The following TLN2 variants were observed in gnomAD, a reference collection of about 807,000 sequenced individuals.
The protein encoded by TLN2 is talin 2.
Under a neutral mutation model 294.7 loss-of-function variants are expected in TLN2, and 118 were observed. The ratio of observed to expected loss-of-function variants is 0.40; its 90% confidence interval spans 0.34 to 0.47. TLN2 has a LOEUF of 0.47. TLN2 is among the 20% of genes least tolerant of loss of function. The pLI is 0.84. For missense variants in TLN2, 3,083 were observed against 3,282.2 expected, an observed-to-expected ratio of 0.94 and a Z score of 1.48; for synonymous variants, 1,431 against 1,304.5, an observed-to-expected ratio of 1.10 and a Z score of -2.09.
intron 1 of TLN2, among the ~76,000 whole-genome samples, chr15:62,450,252 G>A (rs2036028509): frequency 6.6e-6 from 1 of 152,174 alleles, no homozygotes; most frequent in Admixed American, 6.6e-5. Context: ...TGGAGCATGA[G>A]CGGGGAATTG....
intron 31 of TLN2, among the ~76,000 whole-genome samples, chr15:62,740,107 T>A (rs993533830): frequency 6.6e-6 from 1 of 151,568 alleles, no homozygotes. Context: ...AGGGTGTATC[T>A]TCTTCTAGTA....
chr15:62,436,649 G>T (rs921620888), intron 1 of TLN2, among the ~76,000 whole-genome samples: 1 of 152,218 alleles, frequency 6.6e-6, no homozygotes, highest in Non-Finnish European at 1.5e-5. Context: ...GGACTTGGAG[G>T]AATCAGGTTG....
intron 22 of TLN2, 46 bp downstream of exon 22, chr15:62,712,123 G>T (rs1212370487): frequency 1.3e-6 from 2 of 1,590,616 alleles, no homozygotes; most frequent in South Asian, 1.1e-5. Flanking sequence ...ACTATTAAGT[G>T]TTAGGATTTG....
At chr15:62,650,259 C>A in intron 5 of TLN2, 78 bp downstream of exon 5, 1 of 1,441,102 alleles carries the variant, frequency 6.9e-7, no homozygotes, top group Non-Finnish European at 9.7e-7. Flanking sequence ...CACGGTTACG[C>A]TATTTTGATT....
intron 1 of TLN2, among the ~76,000 whole-genome samples, chr15:62,549,264 T>A (rs2042157111): frequency 6.6e-6 from 1 of 152,178 alleles, no homozygotes; most frequent in South Asian, 2.1e-4. Context: ...TTGTTCAGAT[T>A]AACACTAATC....
At chr15:62,815,952 G>C (rs1417622232) in intron 52 of TLN2, among the ~76,000 whole-genome samples, 3 of 152,040 alleles carry the variant, frequency 2.0e-5, no homozygotes, top group African/African-American at 7.3e-5. Flanking sequence ...TGTGGGTCAT[G>C]GGCCCCTTTG....
chr15:62,579,044 G>A (rs1377627428), intron 1 of TLN2, among the ~76,000 whole-genome samples: 1 of 152,154 alleles, frequency 6.6e-6, no homozygotes. Flanking sequence ...GAACCACAGG[G>A]GAAAGAGCAT....
At chr15:62,711,880 A>G (rs756603022) in intron 21 of TLN2, 31 bp from the exon 22 acceptor site, 64 of 1,581,746 alleles carry the variant, frequency 4.0e-5, no homozygotes, top group Non-Finnish European at 5.3e-5. Flanking sequence ...AAAGCAGACA[A>G]ACAGACCTCA....
intron 37 of TLN2, among the ~76,000 whole-genome samples, chr15:62,758,987 C>G (rs529143992): frequency 1.3e-5 from 2 of 152,226 alleles, no homozygotes; most frequent in African/African-American, 4.8e-5. Flanking sequence ...TTGTTTCTCC[C>G]AGATGTCCGT....
chr15:62,475,877 A>G (rs935420095), intron 1 of TLN2, among the ~76,000 whole-genome samples: 1 of 152,172 alleles, frequency 6.6e-6, no homozygotes, highest in Non-Finnish European at 1.5e-5. Context: ...TTAGAAACAG[A>G]GTTTTATTAG....
At position 62,657,717 on chromosome 15, in the gene TLN2, A is replaced by C. The variant is rs937709729; in HGVS notation, c.661-54A>C. On this transcript the variant is annotated intron_variant, in intron 8 of 58. Coordinates refer to ENST00000636159, the MANE Select transcript of TLN2 (RefSeq NM_015059.3). ...GGGCCATGGGAATGCGTCAGTGGAG[A>C]GAACGTGTCACTCCCCGAAGCCTCT... The C allele has an allele frequency of 8.8e-6, 14 of 1,583,320 alleles. No individual in the cohort carries two copies. The African/African-American group carries it at 1.8e-4, about 20-fold the overall frequency.
chr15:62,661,595 T>C (rs2053838189), intron 9 of TLN2, among the ~76,000 whole-genome samples: 1 of 152,172 alleles, frequency 6.6e-6, no homozygotes, highest in Non-Finnish European at 1.5e-5. Flanking sequence ...CTTTTAAATA[T>C]ATTAGGCATC....
chr15:62,840,822 C>A lies in TLN2; in HGVS notation c.*212C>A. 1 of 578,728 alleles carries A rather than the reference C, an allele frequency of 1.7e-6. No individual in the cohort carries two copies. The highest frequency in any genetic ancestry group is 2.8e-5 in the South Asian group (1 of 35,104). The allele number at this position is 578,728 out of a possible 1,614,324, so 35.8% of individuals were successfully genotyped here. On this transcript the variant is annotated 3_prime_UTR_variant, in exon 59 of 59. Transcript: ENST00000636159. ...GTACAATGTCCTACCCACAACTCCTCTGCCGCCTCCCCTCATGCCTCACCG... is the reference window on the plus strand; with the variant it reads ...GTACAATGTCCTACCCACAACTCCTATGCCGCCTCCCCTCATGCCTCACCG...
chr15:62,414,635 G>C (rs1342933766), intron 1 of TLN2, among the ~76,000 whole-genome samples: 1 of 141,444 alleles, frequency 7.1e-6, no homozygotes, highest in Non-Finnish European at 1.5e-5. Flanking sequence ...CAGCAAAAGT[G>C]ATTTGGACGT....
At chr15:62,495,521 A>T (rs2038969427) in intron 1 of TLN2, among the ~76,000 whole-genome samples, 1 of 152,238 alleles carries the variant, frequency 6.6e-6, no homozygotes, top group Admixed American at 6.5e-5. Context: ...TGTCAGCTAG[A>T]CATGCCATAA....
chr15:62,700,999 TA>T, intron 16 of TLN2, 106 bp from the exon 17 acceptor site: 2 of 961,184 alleles, frequency 2.1e-6, no homozygotes, highest in Non-Finnish European at 3.3e-6. Flanking sequence ...GCTGGCCTCA[TA>T]AGAAGAATGT....
intron 2 of TLN2, among the ~76,000 whole-genome samples, chr15:62,618,095 A>G (rs2140846527): frequency 6.6e-6 from 1 of 151,878 alleles, no homozygotes; most frequent in Non-Finnish European, 1.5e-5. Flanking sequence ...CACCATGCCC[A>G]GTGCCTCAGG....
chr15:62,628,735 C>T (rs1452469707), intron 3 of TLN2, among the ~76,000 whole-genome samples: 1 of 152,204 alleles, frequency 6.6e-6, no homozygotes, highest in Non-Finnish European at 1.5e-5. Context: ...TCCTGGCAAC[C>T]TTATGGGATT....
At chr15:62,490,202 C>T (rs1457115009) in intron 1 of TLN2, among the ~76,000 whole-genome samples, 4 of 152,026 alleles carry the variant, frequency 2.6e-5, no homozygotes. Context: ...TAGCTAACAT[C>T]ATGCGATAGA....
Sources: gnomAD v4.1 joint callset for allele counts (sites outside exome capture counted in the v4.1 genomes callset) on GRCh38, gnomAD v4.1.1 for gene constraint, MANE v1.5 for transcripts, NCBI Gene and HGNC (gene_info 2026-07-23, HGNC 2026-07-21) for gene names.